Variants in GOLGA8M observed in about 807,000 individuals in gnomAD.
GOLGA8M encodes golgin A8 family member M, also known as golgin subfamily A member 8M.
Under a neutral mutation model 87.7 loss-of-function variants are expected in GOLGA8M, and 34 were observed. The ratio of observed to expected loss-of-function variants is 0.39; its 90% CI spans 0.29 to 0.52. The LOEUF is 0.52. Ranked by LOEUF, GOLGA8M falls within the 20% of genes least tolerant of loss-of-function variation. GOLGA8M has a pLI of 0.80. For missense variants in GOLGA8M, 396 were observed against 682.2 expected, an observed-to-expected ratio of 0.58 and a Z score of 4.67; for synonymous variants, 138 against 250.2, an observed-to-expected ratio of 0.55 and a Z score of 4.23.
At chr15:28,702,920 GGCCTCTGGCT>G (rs1182524046) in intron 15 of GOLGA8M, 175 bp from the exon 16 acceptor site, 14 of 971,006 alleles carry the variant, frequency 1.4e-5, no homozygotes, top group Admixed American at 6.8e-5. Flanking sequence ...GGGGCTGCAG[GGCCTCTGGCT>G]GCCTCTGGCT....
intron 8 of GOLGA8M, 73 bp from the exon 9 acceptor site, chr15:28,706,772 T>G: frequency 1.4e-6 from 2 of 1,448,088 alleles, no homozygotes; most frequent in Non-Finnish European, 9.4e-7. Flanking sequence ...TTAACAGGGC[T>G]CGGGCTAGGC....
chr15:28,706,841 T>C, intron 8 of GOLGA8M, 142 bp from the exon 9 acceptor site: 4 of 784,412 alleles, frequency 5.1e-6, no homozygotes, highest in Non-Finnish European at 8.1e-6. Flanking sequence ...GTCTGGTTTT[T>C]AAAAGAACAC....
chr15:28,712,536 ACAG>A (rs758116269), upstream of GOLGA8M, among the ~76,000 whole-genome samples: 70 of 151,242 alleles, frequency 4.6e-4, no homozygotes, highest in Middle Eastern at 3.4e-3. Context: ...GCGTGGCCAG[ACAG>A]CAGCGTGTCC....
rs1241777498 is a variant in GOLGA8M at position 28,708,387 on chromosome 15, A to G, written c.336T>C (p.His112=). Reference sequence around the variant, plus strand: ...GAAATCACGTTACTTCTTCCAGCTGATGTTCCACTTGTTTCTTCTGTTGTT... The same window carrying G: ...GAAATCACGTTACTTCTTCCAGCTGGTGTTCCACTTGTTTCTTCTGTTGTT... ...SLKQQKKQVE[H]QLEEEKKANN... The change falls in exon 5 of 19, where the codon CAT becomes CAC. Residue 112 remains histidine (H), a synonymous_variant. Transcript: ENST00000563027. 1.3e-6 allele frequency: 2 copies of G among 1,595,644 alleles called. No individual in the cohort carries two copies. Among genetic ancestry groups the G allele is most frequent in the African/African-American group, 2.7e-5 (2 of 74,536 alleles).
intron 8 of GOLGA8M, 99 bp from the exon 9 acceptor site, chr15:28,706,798 G>A (rs1328260398): frequency 8.3e-7 from 1 of 1,202,348 alleles, no homozygotes; most frequent in Non-Finnish European, 1.2e-6. Flanking sequence ...ATACAACTCG[G>A]TCAGTAAAGA....
chr15:28,712,062 A>C, intron 1 of GOLGA8M: 1 of 984,520 alleles, frequency 1.0e-6, no homozygotes, highest in Non-Finnish European at 1.2e-6. Flanking sequence ...CACCCACCCA[A>C]AGTCACCCTG....
intron 8 of GOLGA8M, 30 bp from the exon 9 acceptor site, chr15:28,706,729 C>T: frequency 6.9e-7 from 1 of 1,440,098 alleles, no homozygotes; most frequent in South Asian, 1.2e-5. Flanking sequence ...AAGTTTCAAT[C>T]TGGAGAGCCT....
intron 2 of GOLGA8M, among the ~76,000 whole-genome samples, chr15:28,710,065 G>T (rs1338760645): frequency 2.1e-5 from 3 of 142,624 alleles, no homozygotes; most frequent in Non-Finnish European, 3.0e-5. Context: ...GGAGAGGCAG[G>T]ATTCAAACCC....
At chr15:28,707,466 A>G in intron 8 of GOLGA8M, among the ~76,000 whole-genome samples, 1 of 145,048 alleles carries the variant, frequency 6.9e-6, no homozygotes, top group Admixed American at 7.2e-5. Flanking sequence ...AGTACCCAAT[A>G]CCCCACCTAG....
chr15:28,702,526 A>T lies in GOLGA8M; in HGVS notation c.1506T>A (p.Arg502=), dbSNP rs765716014. The change falls in exon 17 of 19, where the codon CGT becomes CGA. Residue 502 remains arginine (R), a synonymous_variant. Transcript: ENST00000563027. ...IHHLLSEPGG[R]AKDAALGGGH... Reference sequence around the variant, plus strand: ...CTCCTCCCAGTGCCGCATCTTTGGCACGGCCCCCTGGTTCTGATAAAAGGT... The same window carrying T: ...CTCCTCCCAGTGCCGCATCTTTGGCTCGGCCCCCTGGTTCTGATAAAAGGT... 1 of 1,598,572 alleles carries T rather than the reference A, an allele frequency of 6.3e-7. No individual in the cohort carries two copies. The highest frequency in any genetic ancestry group is 8.5e-7 in the Non-Finnish European group (1 of 1,179,124).
In GOLGA8M at chr15:28,706,871, G is replaced by A. The variant is rs550481554; in HGVS notation, c.592-172C>T. On this transcript the variant is annotated intron_variant, in intron 8 of 18. Coordinates refer to ENST00000563027, the MANE Select transcript of GOLGA8M (RefSeq NM_001282468.3). ...GAACACAGTAAAGTTGGAACGGACA[G>A]GGAATGAGATTGAGTTTATAGCTGG... Among the ~76,000 whole-genome samples the A allele has an allele frequency of 8.4e-5, 12 of 143,676 alleles. 1 individual carries two copies. In the South Asian group the frequency reaches 2.6e-3, roughly 32 times the overall value. 94.3% of individuals were successfully genotyped at this position (143,676 alleles called of 152,430 possible).
At chr15:28,708,832 C>T (rs1596692965) in intron 4 of GOLGA8M, among the ~76,000 whole-genome samples, 2 of 151,000 alleles carry the variant, frequency 1.3e-5, no homozygotes, top group Admixed American at 6.6e-5. Flanking sequence ...GGTTTCCATT[C>T]TCGGGGGCCT....
intron 1 of GOLGA8M, chr15:28,711,904 C>T: frequency 1.0e-6 from 1 of 985,094 alleles, no homozygotes; most frequent in Non-Finnish European, 1.2e-6. Flanking sequence ...CAGGGAGCCC[C>T]AGGAGTCACC....
In GOLGA8M at chr15:28,701,725, T is replaced by TA. The variant is rs569042876; in HGVS notation, c.*228dup. Among the ~76,000 whole-genome samples, 2,319 of 151,908 alleles carry TA rather than the reference T, an allele frequency of 0.015. 58 individuals are homozygous for TA. The highest frequency in any genetic ancestry group is 0.053 in the African/African-American group (2,197 of 41,384). ...TGCTAATGACCTACAATTATGAAATTAAAAAAGAAAAATGCTAAAGGATGC... is the reference window on the plus strand; with the variant it reads ...TGCTAATGACCTACAATTATGAAATTAAAAAAAGAAAAATGCTAAAGGATGC... On this transcript the variant is annotated 3_prime_UTR_variant, in exon 19 of 19. Coordinates refer to ENST00000563027, the MANE Select transcript of GOLGA8M (RefSeq NM_001282468.3).
chr15:28,702,664 A>G lies in GOLGA8M; in HGVS notation c.1450T>C (p.Trp484Arg), dbSNP rs751435872. 6.2e-7 allele frequency: 1 copy of G among 1,608,504 alleles called. No homozygotes were observed. The highest frequency in any genetic ancestry group is 2.2e-5 in the East Asian group (1 of 44,776). Residue 484 changes from tryptophan to arginine, a missense_variant, in exon 16 of 19, where the codon TGG becomes CGG. This residue lies in a region of GOLGA8M where 173 missense variants were observed against 150.2 expected (regional missense o/e 1.15). Transcript: ENST00000563027. ...ACTCACTGATGGCATCTCTCTTGCC[A>G]GTATTGAATGAAGCGAAGTTCTTGT... Reference protein sequence around the residue: ...KKQELRFIQYWQERCHQKIHH... With the variant: ...KKQELRFIQYRQERCHQKIHH...
In GOLGA8M at chr15:28,701,258, G is replaced by T. The variant is rs556996583; in HGVS notation, c.*696C>A. On this transcript the variant is annotated 3_prime_UTR_variant, in exon 19 of 19. Transcript: ENST00000563027. ...TAATACACCGCTAATTCCTGGCACC[G>T]GAACAGATGAAACACACTCTATCCT... Among the ~76,000 whole-genome samples the T allele has an allele frequency of 8.6e-5, 13 of 151,798 alleles. No individual in the cohort carries two copies. Among genetic ancestry groups the T allele is most frequent in the Admixed American group, 2.0e-4 (3 of 15,224 alleles).
rs770266717 is a variant in GOLGA8M at position 28,702,565 on chromosome 15, G to A, written c.1470-3C>T. On this transcript the variant is annotated splice_polypyrimidine_tract_variant and splice_region_variant and intron_variant, in intron 16 of 18. Transcript: ENST00000563027. ...CTGATAAAAGGTGATGGATTTTCCT[G>A]CGGGAGGACGGGGCTCAGACGCTGG... is the stretch of plus-strand genomic sequence containing the variant. 4 of 1,607,632 alleles carry A rather than the reference G, an allele frequency of 2.5e-6. No homozygotes were observed. In the South Asian group the frequency reaches 4.4e-5, roughly 18 times the overall value.
chr15:28,707,285 G>A (rs201105165), intron 8 of GOLGA8M, among the ~76,000 whole-genome samples: 1 of 135,464 alleles, frequency 7.4e-6, no homozygotes, highest in Non-Finnish European at 1.5e-5. Flanking sequence ...AGTATCTCCC[G>A]GCCATCTTGT....
rs1392835963 is a variant in GOLGA8M at position 28,699,360 on chromosome 15, C to G, written c.*2594G>C. Among the ~76,000 whole-genome samples the G allele has an allele frequency of 1.3e-5, 2 of 149,210 alleles. No homozygotes were observed. The highest frequency in any genetic ancestry group is 2.1e-4 in the South Asian group (1 of 4,712). ...ATTCCAATGTTGCCTTCTAAGCAAACTGAAAGCTGCCTTATACAGAATGAG... is the reference window on the plus strand; with the variant it reads ...ATTCCAATGTTGCCTTCTAAGCAAAGTGAAAGCTGCCTTATACAGAATGAG... On this transcript the variant is annotated 3_prime_UTR_variant, in exon 19 of 19. Transcript: ENST00000563027.
Sources: allele counts gnomAD v4.1 joint callset (sites outside exome capture counted in the v4.1 genomes callset), GRCh38; gene constraint gnomAD v4.1.1; regional missense constraint gnomAD v4.1.1; transcripts MANE v1.5; gene names NCBI Gene and HGNC (gene_info 2026-07-23, HGNC 2026-07-21).